The following SPTLC2 variants were observed in gnomAD, a reference collection of about 807,000 sequenced individuals.
The protein encoded by SPTLC2 is serine palmitoyltransferase long chain base subunit 2.
A neutral mutation model predicts 62.0 loss-of-function variants in SPTLC2; 21 were observed. The ratio of observed to expected loss-of-function variants is 0.34; its 90% CI spans 0.24 to 0.49. The LOEUF (loss-of-function observed/expected upper bound fraction) is 0.49, where lower values mean the gene tolerates loss of function less well. Among genes scored for constraint, SPTLC2 ranks in the 20% least tolerant of loss-of-function variants. The probability of loss-of-function intolerance (pLI) is 0.99; values close to 1 mark genes in which losing one functional copy is unlikely to be tolerated. For missense variants in SPTLC2, 511 were observed against 713.0 expected, an observed-to-expected ratio of 0.72 and a Z score of 3.23; for synonymous variants, 261 against 261.8, an observed-to-expected ratio of 1.00 and a Z score of 0.03.
chr14:77,517,349 G>A (rs1323393479), intron 11 of SPTLC2, among the ~76,000 whole-genome samples: 1 of 152,114 alleles, frequency 6.6e-6, no homozygotes, highest in Non-Finnish European at 1.5e-5. Context: ...CTCCCAGATG[G>A]CAATAATGAT....
chr14:77,528,627 A>G (rs2079420871), intron 9 of SPTLC2, among the ~76,000 whole-genome samples: 1 of 152,178 alleles, frequency 6.6e-6, no homozygotes. Flanking sequence ...GAATGGTTTC[A>G]GTTAGTTTTC....
chr14:77,528,036 A>C (rs1251708504), intron 9 of SPTLC2, among the ~76,000 whole-genome samples: 2 of 152,204 alleles, frequency 1.3e-5, no homozygotes, highest in Non-Finnish European at 2.9e-5. Flanking sequence ...GTTCAGCCAG[A>C]GTTGATCTCC....
rs567267836 is a variant in SPTLC2 at position 77,556,925 on chromosome 14, AT to A, written c.956+115del. On this transcript the variant is annotated intron_variant, in intron 7 of 11. Transcript: ENST00000216484. Reference sequence around the variant, plus strand: ...CTGTTTCCAGGTATTTTAGCGACTTATAAACACTGTCTCCTTAGTTTCCAGA... The same window carrying A: ...CTGTTTCCAGGTATTTTAGCGACTTAAAACACTGTCTCCTTAGTTTCCAGA... The A allele has an allele frequency of 2.7e-4, 218 of 820,912 alleles. 1 individual carries two copies. In the African/African-American group the frequency reaches 3.3e-3, roughly 12 times the overall value. 50.9% of individuals were successfully genotyped at this position (820,912 alleles called of 1,614,324 possible).
At chr14:77,556,343 CA>C (rs10709892) in intron 7 of SPTLC2, among the ~76,000 whole-genome samples, 61,553 of 151,424 alleles carry the variant, frequency 0.41, 12,810 homozygotes, top group Admixed American at 0.46. Flanking sequence ...CACCAAAAAA[CA>C]AAAAACAAGC....
intron 2 of SPTLC2, among the ~76,000 whole-genome samples, chr14:77,587,209 T>C (rs772175167): frequency 3.3e-5 from 5 of 150,758 alleles, no homozygotes; most frequent in Non-Finnish European, 5.9e-5. Flanking sequence ...CCAGCCTGGG[T>C]GACAGAACGA....
chr14:77,566,316 G>A (rs906491225), intron 5 of SPTLC2, among the ~76,000 whole-genome samples: 4 of 152,212 alleles, frequency 2.6e-5, no homozygotes, highest in South Asian at 2.1e-4. Context: ...ACATCTAAGC[G>A]CTTAATGTTT....
At chr14:77,573,489 C>T (rs190764849) in intron 4 of SPTLC2, among the ~76,000 whole-genome samples, 1 of 115,280 alleles carries the variant, frequency 8.7e-6, no homozygotes, top group African/African-American at 3.3e-5. Context: ...AAAATTTTTA[C>T]AAAGATTTTA....
intron 7 of SPTLC2, among the ~76,000 whole-genome samples, chr14:77,556,562 T>C (rs956048015): frequency 2.0e-5 from 3 of 152,226 alleles, no homozygotes; most frequent in Non-Finnish European, 4.4e-5. Context: ...TTTTAATTTT[T>C]ATTTATTTTT....
intron 2 of SPTLC2, among the ~76,000 whole-genome samples, chr14:77,579,678 T>TG (rs2079737005): frequency 6.6e-6 from 1 of 151,948 alleles, no homozygotes; most frequent in Admixed American, 6.6e-5. Flanking sequence ...CCCAGTAGAT[T>TG]GGGGCTGCAG....
At chr14:77,535,178 C>T (rs1375274314) in intron 9 of SPTLC2, among the ~76,000 whole-genome samples, 8 of 152,146 alleles carry the variant, frequency 5.3e-5, no homozygotes, top group African/African-American at 9.7e-5. Context: ...CTGCCCGCCT[C>T]GGCCTTCCAA....
At chr14:77,574,228 T>G (rs923109068) in intron 4 of SPTLC2, among the ~76,000 whole-genome samples, 1 of 152,208 alleles carries the variant, frequency 6.6e-6, no homozygotes, top group African/African-American at 2.4e-5. Context: ...TATGCCCTTA[T>G]AGAGTGGAAT....
chr14:77,531,443 T>TATTCTTCTTCTC (rs2079438153), intron 9 of SPTLC2, among the ~76,000 whole-genome samples: 1 of 130,278 alleles, frequency 7.7e-6, no homozygotes, highest in Non-Finnish European at 1.6e-5. Flanking sequence ...TTCTTCTTCT[T>TATTCTTCTTCTC]CTCCTCCTTC....
At chr14:77,519,956 A>T (rs1047431282) in intron 10 of SPTLC2, among the ~76,000 whole-genome samples, 1 of 152,042 alleles carries the variant, frequency 6.6e-6, no homozygotes, top group Non-Finnish European at 1.5e-5. Context: ...TAATGCCTTT[A>T]CAACTTTTAT....
intron 9 of SPTLC2, 130 bp from the exon 10 acceptor site, chr14:77,521,711 T>C (rs535361586): frequency 1.2e-6 from 1 of 821,732 alleles, no homozygotes; most frequent in African/African-American, 1.7e-5. Flanking sequence ...CACCATAAAA[T>C]ATTTTACAGA....
chr14:77,532,051 A>T (rs2079443511), intron 9 of SPTLC2, among the ~76,000 whole-genome samples: 1 of 152,124 alleles, frequency 6.6e-6, no homozygotes, highest in Non-Finnish European at 1.5e-5. Flanking sequence ...TACCCCTTTT[A>T]CTTAAAAACA....
At chr14:77,557,949 AC>A (rs1245256096) in intron 6 of SPTLC2, among the ~76,000 whole-genome samples, 1 of 152,110 alleles carries the variant, frequency 6.6e-6, no homozygotes, top group African/African-American at 2.4e-5. Flanking sequence ...TACTTAAAAT[AC>A]CTGCCCTGAA....
At position 77,614,975 on chromosome 14, in the gene SPTLC2, A is replaced by AC. The variant is rs934165830; in HGVS notation, c.132+1472_132+1473insG. ...GACAAGAGCAAAACTGTCTGAAAAAAAAAAACAAAAACAAAAACAAAAAAA... is the reference window on the plus strand; with the variant it reads ...GACAAGAGCAAAACTGTCTGAAAAAACAAAAACAAAAACAAAAACAAAAAAA... On this transcript the variant is annotated intron_variant, in intron 1 of 11. Coordinates refer to ENST00000216484, the MANE Select transcript of SPTLC2 (RefSeq NM_004863.4). Among the ~76,000 whole-genome samples the AC allele has an allele frequency of 2.0e-4, 30 of 151,848 alleles. 2 individuals are homozygous for AC. In the South Asian group the frequency reaches 3.3e-3, roughly 17 times the overall value.
intron 5 of SPTLC2, among the ~76,000 whole-genome samples, chr14:77,569,655 T>A (rs905738016): frequency 1.3e-5 from 2 of 150,676 alleles, no homozygotes; most frequent in African/African-American, 2.4e-5. Context: ...TGAGAATAAA[T>A]AACCTCAAGG....
intron 9 of SPTLC2, chr14:77,536,079 C>T (rs981735148): frequency 7.7e-6 from 3 of 387,278 alleles, no homozygotes; most frequent in Non-Finnish European, 1.5e-5. Context: ...TGTGGAGACA[C>T]AACTCAATTT....
Sources: gnomAD v4.1 joint callset for allele counts (sites outside exome capture counted in the v4.1 genomes callset) on GRCh38, gnomAD v4.1.1 for gene constraint, MANE v1.5 for transcripts, NCBI Gene and HGNC (gene_info 2026-07-23, HGNC 2026-07-21) for gene names.